Variants in PRH1 observed in about 807,000 individuals in gnomAD.
The protein encoded by PRH1 is proline rich protein HaeIII subfamily 1, also known as salivary acidic proline-rich phosphoprotein 1/2.
A neutral mutation model predicts 7.9 loss-of-function variants in PRH1; 7 were observed. The ratio of observed to expected loss-of-function variants is 0.89; its 90% CI spans 0.50 to 1.67. The LOEUF (loss-of-function observed/expected upper bound fraction) is 1.67. Among genes scored for constraint, PRH1 ranks in the 40% most tolerant of loss-of-function variants. The pLI, the probability that PRH1 is intolerant of heterozygous loss-of-function variation, is 0.00. For synonymous variants in PRH1, 45 were observed against 80.8 expected, an observed-to-expected ratio of 0.56 and a Z score of 2.38; for missense variants, 109 against 223.6, an observed-to-expected ratio of 0.49 and a Z score of 3.27.
upstream of PRH1, among the ~76,000 whole-genome samples, chr12:10,888,799 T>C (rs1949530828): frequency 6.6e-6 from 1 of 152,248 alleles, no homozygotes; most frequent in African/African-American, 2.4e-5. Context: ...TCTAGTGGTG[T>C]ACACTTTTTA....
intron 1 of PRH1, among the ~76,000 whole-genome samples, chr12:11,148,567 C>T (rs1285219279): frequency 8.4e-6 from 1 of 119,034 alleles, no homozygotes. Flanking sequence ...GTCTTTGGTT[C>T]TGTTTATATG....
intron 2 of PRH1, chr12:10,938,809 C>G (rs781289291): frequency 6.2e-7 from 1 of 1,613,324 alleles, no homozygotes; most frequent in African/African-American, 1.3e-5. Context: ...TCACAAGAAG[C>G]AGCACCAAAA....
intron 1 of PRH1, among the ~76,000 whole-genome samples, chr12:11,088,736 C>T (rs1186950157): frequency 8.7e-6 from 1 of 114,648 alleles, no homozygotes; most frequent in African/African-American, 2.9e-5. Context: ...GTGGGCTCTA[C>T]AGAAGATATG....
intron 1 of PRH1, chr12:11,006,040 T>C (rs1278124248): frequency 6.6e-6 from 1 of 152,080 alleles, no homozygotes; most frequent in African/African-American, 2.4e-5. Context: ...GTTTTTTACT[T>C]CTTTTTCAGG....
intron 1 of PRH1, among the ~76,000 whole-genome samples, chr12:11,131,439 A>C (rs558713036): frequency 1.8e-4 from 27 of 151,234 alleles, no homozygotes; most frequent in South Asian, 1.7e-3. Flanking sequence ...TCATCACTTT[A>C]ATATCAGGTA....
At position 10,983,592 on chromosome 12, in the gene PRH1, G is replaced by C. The variant is rs150432174; in HGVS notation, c.-125-9871C>G. Among the ~76,000 whole-genome samples the C allele has an allele frequency of 5.2e-3, 786 of 152,316 alleles. 15 individuals are homozygous for C. Among genetic ancestry groups the C allele is most frequent in the African/African-American group, 0.018 (743 of 41,566 alleles). On this transcript the variant is annotated intron_variant, in intron 1 of 3. Coordinates refer to the PRH1 transcript ENST00000539853. ...GCAGAACAGCAGAGATGGTAGTTCT[G>C]CCTCAGGGAAACCCTGGCCAATGGG...
chr12:11,030,420 G>A, intron 1 of PRH1: 1 of 1,613,986 alleles, frequency 6.2e-7, no homozygotes, highest in Non-Finnish European at 8.5e-7. Flanking sequence ...GGAGATGAAG[G>A]CTTCTCTCCT....
At chr12:11,064,881 G>A (rs1022281630) in intron 1 of PRH1, among the ~76,000 whole-genome samples, 52 of 152,064 alleles carry the variant, frequency 3.4e-4, no homozygotes, top group African/African-American at 9.9e-4. Flanking sequence ...GCAACACAGC[G>A]AAACTGTGTC....
intron 1 of PRH1, among the ~76,000 whole-genome samples, chr12:11,104,904 A>T (rs1945365622): frequency 6.6e-6 from 1 of 151,934 alleles, no homozygotes; most frequent in South Asian, 2.1e-4. Context: ...ATTCTTATTC[A>T]GAATGTATGT....
intron 1 of PRH1, among the ~76,000 whole-genome samples, chr12:11,127,539 A>C (rs1946176424): frequency 6.6e-6 from 1 of 152,278 alleles, no homozygotes; most frequent in South Asian, 2.1e-4. Context: ...AGGAAGGCCA[A>C]TATTCCTTGA....
At chr12:10,897,289 T>G (rs776074535) in intron 2 of PRH1, among the ~76,000 whole-genome samples, 12 of 152,334 alleles carry the variant, frequency 7.9e-5, no homozygotes, top group Non-Finnish European at 1.6e-4. Flanking sequence ...TGTGACTATT[T>G]TATAGCCAAC....
intron 1 of PRH1, among the ~76,000 whole-genome samples, chr12:11,154,452 G>A (rs1184975014): frequency 6.6e-6 from 1 of 152,158 alleles, no homozygotes; most frequent in East Asian, 1.9e-4. Context: ...CTCTTAATTG[G>A]GGAGAGGAAA....
At chr12:11,030,879 C>A in intron 1 of PRH1, 1 of 1,614,162 alleles carries the variant, frequency 6.2e-7, no homozygotes. Context: ...TTTGTCCGTA[C>A]AATCTCTTTC....
At chr12:10,998,085 T>TA (rs1370211569) in intron 1 of PRH1, among the ~76,000 whole-genome samples, 5 of 152,190 alleles carry the variant, frequency 3.3e-5, no homozygotes, top group African/African-American at 1.2e-4. Flanking sequence ...GAAATACTGT[T>TA]AGTCCCAAAA....
intron 2 of PRH1, among the ~76,000 whole-genome samples, chr12:10,968,792 T>C (rs1423021308): frequency 2.6e-5 from 4 of 152,198 alleles, no homozygotes; most frequent in African/African-American, 9.6e-5. Flanking sequence ...AGGAACAAAT[T>C]CTGTGCAGGC....
chr12:11,072,757 G>A (rs996842205), intron 1 of PRH1, among the ~76,000 whole-genome samples: 2 of 145,526 alleles, frequency 1.4e-5, no homozygotes, highest in Admixed American at 6.9e-5. Flanking sequence ...CTGGCACTTT[G>A]CATGTGGCTC....
chr12:10,889,230 T>C (rs1471858270), upstream of PRH1, among the ~76,000 whole-genome samples: 1 of 152,194 alleles, frequency 6.6e-6, no homozygotes, highest in African/African-American at 2.4e-5. Context: ...CTAGCTTTTC[T>C]TTTTTTCTTA....
chr12:10,930,135 A>C (rs1950182147), intron 2 of PRH1: 1 of 1,059,388 alleles, frequency 9.4e-7, no homozygotes, highest in Non-Finnish European at 1.4e-6. Context: ...TTCCGGTAGC[A>C]TCAGAGAGTG....
chr12:10,947,543 T>C (rs1950507176), intron 2 of PRH1, among the ~76,000 whole-genome samples: 1 of 152,192 alleles, frequency 6.6e-6, no homozygotes, highest in East Asian at 1.9e-4. Context: ...GAGACGGGTC[T>C]CTTGAAGACA....
Sources: gnomAD v4.1 joint callset for allele counts (sites outside exome capture counted in the v4.1 genomes callset) on GRCh38, gnomAD v4.1.1 for gene constraint, MANE v1.5 for transcripts, NCBI Gene and HGNC (gene_info 2026-07-23, HGNC 2026-07-21) for gene names.